Variants in RTTN observed in about 807,000 individuals in gnomAD.
RTTN encodes rotatin.
RTTN carries 182 observed loss-of-function variants against 269.2 expected under a neutral mutation model. The observed-to-expected ratio is 0.68, with a 90% CI of 0.60 to 0.76. RTTN has a LOEUF of 0.76. RTTN is among the 30% of genes least tolerant of loss of function. The pLI, the probability that RTTN is intolerant of heterozygous loss-of-function variation, is 0.00. For missense variants in RTTN, 2,545 were observed against 2,608.6 expected (o/e 0.98, Z 0.53); for synonymous variants, 1,006 against 963.5 (o/e 1.04, Z -0.82).
chr18:70,103,067 G>A (rs2059217248), intron 28 of RTTN, among the ~76,000 whole-genome samples: 1 of 150,448 alleles, frequency 6.6e-6, no homozygotes, highest in Non-Finnish European at 1.5e-5. Context: ...GAAGTGAGGA[G>A]CGCCTCTGCC....
chr18:70,101,394 T>G (rs966270407), intron 28 of RTTN, among the ~76,000 whole-genome samples: 2 of 152,342 alleles, frequency 1.3e-5, no homozygotes, highest in Non-Finnish European at 2.9e-5. Context: ...CTGATAGTAG[T>G]TTGTATTTCT....
rs146561568 is a variant in RTTN, at chr18:70,149,540, T to TAA, written c.2172+430_2172+431insTT. ...TTTAATGTCCAGAAGGATTGCTTTT[T>TAA]TAAAAAAAAAAAAAAAAGCTGTTTC... On this transcript the variant is annotated intron_variant, in intron 16 of 48. Coordinates refer to ENST00000640769, the MANE Select transcript of RTTN (RefSeq NM_173630.4). Among the ~76,000 whole-genome samples, 880 of 145,380 alleles carry TAA rather than the reference T, an allele frequency of 6.1e-3. 16 individuals are homozygous for TAA. The highest frequency in any genetic ancestry group is 0.036 in the East Asian group (179 of 4,944).
At chr18:70,036,015 C>T (rs901026934) in intron 40 of RTTN, among the ~76,000 whole-genome samples, 10 of 152,108 alleles carry the variant, frequency 6.6e-5, no homozygotes, top group African/African-American at 2.4e-4. Flanking sequence ...CCATCTCACA[C>T]CAGTCAGAAT....
At chr18:70,055,021 T>C (rs1396844615) in intron 37 of RTTN, among the ~76,000 whole-genome samples, 1 of 152,188 alleles carries the variant, frequency 6.6e-6, no homozygotes, top group Non-Finnish European at 1.5e-5. Context: ...TGCAAATATG[T>C]TCTATTTTTG....
chr18:70,167,477 T>C (rs935943632), intron 12 of RTTN, among the ~76,000 whole-genome samples: 7 of 152,158 alleles, frequency 4.6e-5, no homozygotes, highest in Admixed American at 2.0e-4. Context: ...CTCCCAGCAC[T>C]TCGGGAGGCC....
intron 7 of RTTN, 70 bp downstream of exon 7, chr18:70,196,431 C>A: frequency 1.4e-6 from 2 of 1,382,050 alleles, no homozygotes; most frequent in Non-Finnish European, 2.0e-6. Flanking sequence ...CTAACAGTAA[C>A]TATAATGGAA....
intron 42 of RTTN, 69 bp from the exon 43 acceptor site, chr18:70,028,870 TC>T: frequency 9.3e-7 from 1 of 1,069,960 alleles, no homozygotes; most frequent in Non-Finnish European, 1.4e-6. Flanking sequence ...GTATAGTAAT[TC>T]CCTCCCCTTT....
chr18:70,179,769 G>C (rs7226831), intron 10 of RTTN, among the ~76,000 whole-genome samples: 77,490 of 152,068 alleles, frequency 0.51, 23,990 homozygotes, highest in East Asian at 0.72. Context: ...GATTCTACAA[G>C]GCACCTGGAG....
intron 34 of RTTN, among the ~76,000 whole-genome samples, chr18:70,070,170 G>C (rs184906978): frequency 6.6e-6 from 1 of 152,364 alleles, no homozygotes; most frequent in African/African-American, 2.4e-5. Flanking sequence ...TAAAGAGACA[G>C]ATCATCACCA....
intron 36 of RTTN, among the ~76,000 whole-genome samples, chr18:70,059,220 C>A (rs1315178504): frequency 6.6e-6 from 1 of 152,158 alleles, no homozygotes; most frequent in Non-Finnish European, 1.5e-5. Context: ...AGGCTGCAAG[C>A]TACTGAGTGA....
chr18:70,147,245 T>G (rs899138936), intron 17 of RTTN, among the ~76,000 whole-genome samples: 2 of 152,186 alleles, frequency 1.3e-5, no homozygotes, highest in African/African-American at 4.8e-5. Flanking sequence ...AGATCACATA[T>G]GCAACAGTGG....
intron 34 of RTTN, among the ~76,000 whole-genome samples, chr18:70,069,541 T>C (rs2058239993): frequency 1.3e-5 from 2 of 152,188 alleles, no homozygotes; most frequent in Admixed American, 1.3e-4. Context: ...TCATTTGCCA[T>C]ATCCAAGTAG....
chr18:70,059,988 G>T lies in RTTN; in HGVS notation c.4802C>A (p.Pro1601His), dbSNP rs1403428612. 6.2e-7 allele frequency: 1 copy of T among 1,613,790 alleles called. No homozygotes were observed. Among genetic ancestry groups the T allele is most frequent in the African/African-American group, 1.3e-5 (1 of 74,910 alleles). ...AACAAAAACACACAGTTTGGGCAGGGGAGCAGAAAGAGATGAATCATGAGG... is the reference window on the plus strand; with the variant it reads ...AACAAAAACACACAGTTTGGGCAGGTGAGCAGAAAGAGATGAATCATGAGG... ...RPPHDSSLSA[P>H]LPKLCVFVTP... The change falls in exon 36 of 49, where the codon CCC becomes CAC. Residue 1601 changes from proline to histidine, a missense_variant. Physicochemically the swap from Pro to His is moderately conservative, Grantham distance 77. Transcript: ENST00000640769.
At chr18:70,197,368 C>T (rs1482403233) in intron 6 of RTTN, among the ~76,000 whole-genome samples, 1 of 152,220 alleles carries the variant, frequency 6.6e-6, no homozygotes, top group Non-Finnish European at 1.5e-5. Context: ...AAAGTCTACT[C>T]TACCATTTAG....
At chr18:70,126,265 G>A (rs925999728) in intron 25 of RTTN, among the ~76,000 whole-genome samples, 2 of 152,080 alleles carry the variant, frequency 1.3e-5, no homozygotes, top group African/African-American at 4.8e-5. Context: ...AGAAAACTTA[G>A]TGCAATGAAT....
intron 23 of RTTN, chr18:70,131,425 T>C (rs2145644127): frequency 6.6e-6 from 1 of 151,680 alleles, no homozygotes; most frequent in East Asian, 1.9e-4. Context: ...TAATGTGTTC[T>C]AAGGTCCTTG....
At chr18:70,166,343 CTTAT>C (rs1475645715) in intron 13 of RTTN, 155 bp from the exon 14 acceptor site, 3 of 638,962 alleles carry the variant, frequency 4.7e-6, no homozygotes, top group East Asian at 6.0e-5. Flanking sequence ...CACCTAAGCA[CTTAT>C]TTGTTTCAGG....
chr18:70,191,793 A>G (rs2061677779), intron 8 of RTTN, among the ~76,000 whole-genome samples: 1 of 152,236 alleles, frequency 6.6e-6, no homozygotes, highest in Non-Finnish European at 1.5e-5. Context: ...TTCAATTTCA[A>G]GATACCAAGC....
intron 44 of RTTN, among the ~76,000 whole-genome samples, chr18:70,023,429 A>C (rs560801184): frequency 6.6e-6 from 1 of 152,320 alleles, no homozygotes; most frequent in Non-Finnish European, 1.5e-5. Flanking sequence ...TTTTCACTTG[A>C]GTGAACATCA....
Sources: gnomAD v4.1 joint callset for allele counts (sites outside exome capture counted in the v4.1 genomes callset) on GRCh38, gnomAD v4.1.1 for gene constraint, MANE v1.5 for transcripts, NCBI Gene and HGNC (gene_info 2026-07-23, HGNC 2026-07-21) for gene names.